The following TCTN1 variants were observed in gnomAD, a reference collection of about 807,000 sequenced individuals.
The protein encoded by TCTN1 is tectonic-1.
Under a neutral mutation model 65.8 loss-of-function variants are expected in TCTN1, and 58 were observed. The observed-to-expected ratio is 0.88, with a 90% CI of 0.71 to 1.10. The LOEUF (loss-of-function observed/expected upper bound fraction) is 1.10, where lower values mean the gene tolerates loss of function less well. Among genes scored for constraint, TCTN1 ranks in the 50% least tolerant of loss-of-function variants. The pLI is 0.00. For missense variants in TCTN1, 645 were observed against 719.4 expected, an observed-to-expected ratio of 0.90 and a Z score of 1.18; for synonymous variants, 273 against 289.1, an observed-to-expected ratio of 0.94 and a Z score of 0.57.
Position 110,649,216 on chromosome 12 carries a change from G to GAGTGGAT in TCTN1, c.*176_*182dup, listed in dbSNP as rs1208029624. On this transcript the variant is annotated 3_prime_UTR_variant, in exon 15 of 15. Coordinates refer to ENST00000397659, the MANE Select transcript of TCTN1 (RefSeq NM_001082538.3). ...ATACATTTGATACAGTGTGGGGTGG[G>GAGTGGAT]AGTGGATGGGCAGCTCTTGGTGGTA... 7.4e-6 allele frequency: 5 copies of GAGTGGAT among 676,288 alleles called. No homozygotes were observed. Among genetic ancestry groups the GAGTGGAT allele is most frequent in the Non-Finnish European group, 1.3e-5 (5 of 372,458 alleles). 41.9% of individuals were successfully genotyped at this position (676,288 alleles called of 1,614,324 possible). A position where few individuals can be genotyped will look rare whatever the true frequency, so the allele number is the denominator to read the frequency against.
At chr12:110,617,337 G>A (rs769023250) in intron 1 of TCTN1, among the ~76,000 whole-genome samples, 3 of 150,436 alleles carry the variant, frequency 2.0e-5, no homozygotes, top group East Asian at 1.9e-4. Context: ...TACCTTTTAC[G>A]GGGTACTATT....
At position 110,647,854 on chromosome 12, in the gene TCTN1, G is replaced by A; in HGVS notation, c.1741G>A (p.Ala581Thr). The A allele has an allele frequency of 6.2e-7, 1 of 1,614,138 alleles. No homozygotes were observed. Among genetic ancestry groups the A allele is most frequent in the South Asian group, 1.1e-5 (1 of 91,082 alleles). ...AGFRAPPAIN[A>T]RLPFNFFFPF... is the part of the protein sequence containing the mutation. ...CTTCAGAGCTCCACCAGCCATCAAT[G>A]CCAGGCTGCCCTTTAACTTCTTCTT... Residue 581 changes from alanine (A) to threonine (T), a missense_variant, in exon 14 of 15, where the codon GCC (alanine) becomes ACC (threonine). Ala to Thr is a moderately conservative substitution (Grantham distance 58, BLOSUM62 0). Transcript: ENST00000397659.
intron 6 of TCTN1, chr12:110,635,735 G>T (rs571389506): frequency 1.3e-5 from 2 of 152,514 alleles, no homozygotes; most frequent in South Asian, 4.1e-4. Flanking sequence ...GGGTACAGGG[G>T]TAGGGTGGTT....
At position 110,641,008 on chromosome 12, in the gene TCTN1, A is replaced by T; in HGVS notation, c.979-16A>T. On this transcript the variant is annotated splice_polypyrimidine_tract_variant and intron_variant, in intron 8 of 14. Transcript: ENST00000397659. ...GTAATGGAACAGGTATATTTGGAGT[A>T]TCATTTTGTTTTTAGGTAAAGTACA... is the stretch of plus-strand genomic sequence containing the variant. The T allele has an allele frequency of 6.2e-7, 1 of 1,614,188 alleles. No homozygotes were observed. Among genetic ancestry groups the T allele is most frequent in the Non-Finnish European group, 8.5e-7 (1 of 1,180,024 alleles).
chr12:110,621,496 A>G (rs2065428309), intron 2 of TCTN1, among the ~76,000 whole-genome samples: 1 of 149,482 alleles, frequency 6.7e-6, no homozygotes, highest in African/African-American at 2.5e-5. Context: ...TTTTTGAGAC[A>G]GAGTCTTGCT....
At chr12:110,641,881 T>C (rs2066982426) in intron 10 of TCTN1, 2 of 567,674 alleles carry the variant, frequency 3.5e-6, no homozygotes, top group Non-Finnish European at 3.1e-6. Context: ...TAATCTCCTT[T>C]TTTTTTTCAG....
At position 110,644,665 on chromosome 12, in the gene TCTN1, A is replaced by C; in HGVS notation, c.1332-302A>C. ...TGTACTCCAGCCTGGGCAACAGAGC[A>C]AACTCCATCTCAAAACAAAACAAAA... On this transcript the variant is annotated intron_variant, in intron 11 of 14. Transcript: ENST00000397659. The surrounding 1 kb of genome is among the most constrained non-coding windows in gnomAD (Gnocchi z 4.6). The C allele has an allele frequency of 2.6e-6, 1 of 382,344 alleles. No individual in the cohort carries two copies. Among genetic ancestry groups the C allele is most frequent in the East Asian group, 6.4e-5 (1 of 15,634 alleles). 23.7% of individuals were successfully genotyped at this position (382,344 alleles called of 1,614,324 possible).
chr12:110,647,525 T>C lies in TCTN1; in HGVS notation c.1635+189T>C, dbSNP rs142817266. ...ACTTACATTAGCATTCTGGTTCAGA[T>C]TGGATCTTTAAAATTCTCATGAAAA... is the stretch of plus-strand genomic sequence containing the variant. On this transcript the variant is annotated intron_variant, in intron 13 of 14. Transcript: ENST00000397659. 607 of 1,007,524 alleles carry C rather than the reference T, an allele frequency of 6.0e-4. 4 individuals carry two copies. Among genetic ancestry groups the C allele is most frequent in the East Asian group, 5.0e-3 (193 of 38,440 alleles). 62.4% of individuals were successfully genotyped at this position (1,007,524 alleles called of 1,614,324 possible).
intron 1 of TCTN1, among the ~76,000 whole-genome samples, chr12:110,618,317 T>G (rs911967625): frequency 2.0e-5 from 3 of 152,040 alleles, no homozygotes; most frequent in Admixed American, 1.3e-4. Context: ...CTCGGCTCAC[T>G]GCAAACCCCG....
intron 11 of TCTN1, among the ~76,000 whole-genome samples, chr12:110,643,188 C>T (rs1257809646): frequency 6.6e-6 from 1 of 151,972 alleles, no homozygotes; most frequent in African/African-American, 2.4e-5. Flanking sequence ...CAGGTGTGAG[C>T]CACTGTGCCT....
At chr12:110,647,557 T>C in intron 13 of TCTN1, 192 bp from the exon 14 acceptor site, 2 of 1,020,560 alleles carry the variant, frequency 2.0e-6, no homozygotes, top group Non-Finnish European at 2.9e-6. Flanking sequence ...AAAATTATGA[T>C]ATTCACGTGT....
At chr12:110,645,502 C>T (rs1417822268) in intron 12 of TCTN1, 3 of 325,676 alleles carry the variant, frequency 9.2e-6, no homozygotes, top group Non-Finnish European at 1.2e-5. Context: ...TGCTGGTGTC[C>T]CCCGAGCCCT....
Position 110,632,518 on chromosome 12 carries a change from C to T in TCTN1, c.671C>T (p.Ser224Leu), listed in dbSNP as rs376544711. The T allele has an allele frequency of 2.0e-5, 32 of 1,613,930 alleles. No individual in the cohort carries two copies. The highest frequency in any genetic ancestry group is 3.3e-5 in the Admixed American group (2 of 59,994). Residue 224 changes from serine (S) to leucine (L), a missense_variant, in exon 5 of 15, where the codon TCG (serine) becomes TTG (leucine). Coordinates refer to ENST00000397659, the MANE Select transcript of TCTN1 (RefSeq NM_001082538.3). ...QTSDSFLRFP[S>L]SLTSSLCTDN... ...TCAGATTCGTTTCTGAGATTTCCTT[C>T]GTCCCTGACATCATCTCTGTGCACT...
chr12:110,617,422 C>CA (rs530478745), intron 1 of TCTN1, among the ~76,000 whole-genome samples: 3 of 151,814 alleles, frequency 2.0e-5, no homozygotes, highest in African/African-American at 7.3e-5. Flanking sequence ...CTCCCAGGTT[C>CA]AAGCGATTCT....
intron 7 of TCTN1, among the ~76,000 whole-genome samples, chr12:110,636,904 T>G (rs1028254246): frequency 6.6e-6 from 1 of 152,214 alleles, no homozygotes; most frequent in Admixed American, 6.5e-5. Flanking sequence ...CCATACCGCG[T>G]GGGAGGCGTG....
intron 4 of TCTN1, among the ~76,000 whole-genome samples, chr12:110,630,925 A>G (rs181455052): frequency 1.3e-5 from 2 of 152,314 alleles, no homozygotes; most frequent in Admixed American, 6.5e-5. Flanking sequence ...TAGGCACAGG[A>G]AAGCAACTTG....
rs756019255 is a variant in TCTN1, at chr12:110,632,447, C to T, written c.625-25C>T. On this transcript the variant is annotated intron_variant, in intron 4 of 14. Coordinates refer to ENST00000397659, the MANE Select transcript of TCTN1 (RefSeq NM_001082538.3). ...AATGAATACTTTAATTACACCATAACGACTGTTGGTTGTTGTGTTTGCAGT... is the reference window on the plus strand; with the variant it reads ...AATGAATACTTTAATTACACCATAATGACTGTTGGTTGTTGTGTTTGCAGT... 8.1e-6 allele frequency: 13 copies of T among 1,612,012 alleles called. No individual in the cohort carries two copies. The East Asian group carries it at 1.1e-4, about 14-fold the overall frequency.
intron 5 of TCTN1, 71 bp downstream of exon 5, chr12:110,632,630 G>A (rs773823263): frequency 2.5e-5 from 38 of 1,545,990 alleles, no homozygotes; most frequent in Non-Finnish European, 3.2e-5. Flanking sequence ...AAGTAGTTGC[G>A]GTTTTTGCCA....
At chr12:110,615,586 T>G (rs1268977216) in intron 1 of TCTN1, among the ~76,000 whole-genome samples, 2 of 152,148 alleles carry the variant, frequency 1.3e-5, no homozygotes, top group East Asian at 3.9e-4. Context: ...GCTCAAGGGA[T>G]CCTTCTGCCT....
Sources: gnomAD v4.1 joint callset for allele counts (sites outside exome capture counted in the v4.1 genomes callset) on GRCh38, gnomAD v4.1.1 for gene constraint, Gnocchi (gnomAD v3.1) non-coding constraint, MANE v1.5 for transcripts, NCBI Gene and HGNC (gene_info 2026-07-23, HGNC 2026-07-21) for gene names.